PERP: variants seen among roughly 807,000 people sequenced by gnomAD.
The protein encoded by PERP is p53 apoptosis effector related to PMP-22.
PERP carries 11 observed loss-of-function variants against 20.3 expected under a neutral mutation model. The ratio of observed to expected loss-of-function variants is 0.54; its 90% CI spans 0.34 to 0.90. The LOEUF (loss-of-function observed/expected upper bound fraction) is 0.90, where lower values mean the gene tolerates loss of function less well. PERP is among the 40% of genes least tolerant of loss of function. The probability of loss-of-function intolerance (pLI) is 0.02; values close to 1 mark genes in which losing one functional copy is unlikely to be tolerated. For synonymous variants in PERP, 101 were observed against 102.0 expected (o/e 0.99, Z 0.06); for missense variants, 224 against 249.4 (o/e 0.90, Z 0.69).
intron 1 of PERP, among the ~76,000 whole-genome samples, chr6:138,103,850 T>C (rs902101705): frequency 1.3e-5 from 2 of 152,250 alleles, no homozygotes; most frequent in African/African-American, 4.8e-5. Context: ...AACTATTTCA[T>C]GTAATACTGA....
Position 138,088,797 on chromosome 6 carries a change from G to C in PERP, c.*3245C>G, listed in dbSNP as rs772703256. ...CAAAAAGCAAAGGGCTCTGACCATC[G>C]ACTGATGGGGTTGCAAGCCCAGCCT... is the stretch of plus-strand genomic sequence containing the variant. On this transcript the variant is annotated 3_prime_UTR_variant, in exon 3 of 3. Transcript: ENST00000421351. 55 of 152,134 alleles carry C rather than the reference G, an allele frequency of 3.6e-4. No individual in the cohort carries two copies. Among genetic ancestry groups the C allele is most frequent in the African/African-American group, 1.3e-3 (54 of 41,414 alleles). 9.4% of individuals were successfully genotyped at this position (152,134 alleles called of 1,614,324 possible). A position where few individuals can be genotyped will look rare whatever the true frequency, so the allele number is the denominator to read the frequency against.
chr6:138,101,326 C>A (rs35524498), intron 1 of PERP, among the ~76,000 whole-genome samples: 5 of 151,910 alleles, frequency 3.3e-5, no homozygotes, highest in African/African-American at 1.2e-4. Flanking sequence ...GCCAAGATTG[C>A]GCCACTGCAC....
intron 1 of PERP, among the ~76,000 whole-genome samples, chr6:138,104,171 C>G (rs1364481164): frequency 9.2e-5 from 14 of 152,172 alleles, no homozygotes; most frequent in African/African-American, 3.4e-4. Flanking sequence ...ATGGTGCCAG[C>G]GGTGCAAAAC....
At position 138,089,202 on chromosome 6, in the gene PERP, A is replaced by ACT. The variant is rs1562321812; in HGVS notation, c.*2839_*2840insAG. On this transcript the variant is annotated 3_prime_UTR_variant, in exon 3 of 3. Coordinates refer to ENST00000421351, the MANE Select transcript of PERP (RefSeq NM_022121.5). Reference sequence around the variant, plus strand: ...ATGAGACTCAAATATGCCCTTTCAGATGTGCTTATAAAAACAAGTCAGTGT... The same window carrying ACT: ...ATGAGACTCAAATATGCCCTTTCAGACTTGTGCTTATAAAAACAAGTCAGTGT... 1 of 152,112 alleles carries ACT rather than the reference A, an allele frequency of 6.6e-6. No individual in the cohort carries two copies. Among genetic ancestry groups the ACT allele is most frequent in the East Asian group, 1.9e-4 (1 of 5,194 alleles). 9.4% of individuals were successfully genotyped at this position (152,112 alleles called of 1,614,324 possible).
At chr6:138,092,302 G>T in intron 2 of PERP, 34 bp from the exon 3 acceptor site, 1 of 1,513,174 alleles carries the variant, frequency 6.6e-7, no homozygotes, top group Non-Finnish European at 9.2e-7. Flanking sequence ...GGGTATGAAT[G>T]CATACATGCA....
intron 1 of PERP, among the ~76,000 whole-genome samples, chr6:138,104,701 T>G (rs1271964098): frequency 6.6e-6 from 1 of 152,244 alleles, no homozygotes; most frequent in Non-Finnish European, 1.5e-5. Flanking sequence ...TCAAAGTGGA[T>G]GTACACACTC....
Position 138,107,005 on chromosome 6 carries a change from G to C in PERP, c.214+122C>G. On this transcript the variant is annotated intron_variant, in intron 1 of 2. Transcript: ENST00000421351. The surrounding 1 kb of genome is among the most constrained non-coding windows in gnomAD (Gnocchi z 4.8). ...CATGAGCCCGAGCTCGTCCTAAACAGGCATTCTGAAAAGCACTGGCTCCCC... is the reference window on the plus strand; with the variant it reads ...CATGAGCCCGAGCTCGTCCTAAACACGCATTCTGAAAAGCACTGGCTCCCC... 1.0e-6 allele frequency: 1 copy of C among 968,370 alleles called. No individual in the cohort carries two copies. Among genetic ancestry groups the C allele is most frequent in the Non-Finnish European group, 1.5e-6 (1 of 677,946 alleles). The allele number at this position is 968,370 out of a possible 1,614,324, so 60.0% of individuals were successfully genotyped here. A position where few individuals can be genotyped will look rare whatever the true frequency, so the allele number is the denominator to read the frequency against.
rs1281664269 is a variant in PERP at position 138,107,281 on chromosome 6, G to C, written c.60C>G (p.Leu20=). ...RCRWILPLLL[L]SAIAFDIIAL... is the part of the protein sequence containing the mutation. ...CGATGATGTCGAAGGCGATGGCGCTGAGTAGGAGCAGGGGCAGGATCCAGC... is the reference window on the plus strand; with the variant it reads ...CGATGATGTCGAAGGCGATGGCGCTCAGTAGGAGCAGGGGCAGGATCCAGC... The change falls in exon 1 of 3, where the codon CTC becomes CTG. Residue 20 remains leucine (L), a synonymous_variant. Coordinates refer to ENST00000421351, the MANE Select transcript of PERP (RefSeq NM_022121.5). The surrounding 1 kb of genome is among the most constrained non-coding windows in gnomAD (Gnocchi z 4.8). 1.2e-5 allele frequency: 20 copies of C among 1,610,820 alleles called. No homozygotes were observed. The highest frequency in any genetic ancestry group is 1.6e-5 in the Non-Finnish European group (19 of 1,179,548).
chr6:138,096,418 G>A lies in PERP; in HGVS notation c.291C>T (p.Phe97=), dbSNP rs369663178. ...CAAGCATCTGGGGTCCACAGAGGGC[G>A]AAGAAGGAGAGGATGAAACAGATCA... ...ILVICFILSF[F]ALCGPQMLVF... Residue 97 remains phenylalanine (F), a synonymous_variant, in exon 2 of 3, where the codon TTC becomes TTT. Transcript: ENST00000421351. 19 of 1,613,930 alleles carry A rather than the reference G, an allele frequency of 1.2e-5. No homozygotes were observed. The highest frequency in any genetic ancestry group is 6.7e-5 in the Admixed American group (4 of 59,982).
intron 1 of PERP, among the ~76,000 whole-genome samples, chr6:138,102,159 C>T (rs907635249): frequency 2.0e-5 from 3 of 152,332 alleles, no homozygotes; most frequent in African/African-American, 7.2e-5. Flanking sequence ...TCTTTACATG[C>T]TCTGCATGGT....
chr6:138,093,545 T>A (rs532423), intron 2 of PERP, among the ~76,000 whole-genome samples: 96,407 of 152,004 alleles, frequency 0.63, 31,468 homozygotes, highest in East Asian at 0.94. Context: ...TAAATAGCAA[T>A]CTCTTACTAT....
At chr6:138,097,189 A>T (rs771850067) in intron 1 of PERP, among the ~76,000 whole-genome samples, 50 of 152,184 alleles carry the variant, frequency 3.3e-4, no homozygotes, top group Middle Eastern at 3.2e-3. Flanking sequence ...CCTTTGCCCT[A>T]AAAAAGAATC....
chr6:138,099,174 AGTG>A (rs1465043876), intron 1 of PERP, among the ~76,000 whole-genome samples: 1 of 152,214 alleles, frequency 6.6e-6, no homozygotes, highest in Non-Finnish European at 1.5e-5. Flanking sequence ...TCAGAGCTTG[AGTG>A]GTAGCACCCA....
At chr6:138,096,874 CT>C (rs1401731629) in intron 1 of PERP, among the ~76,000 whole-genome samples, 1 of 152,152 alleles carries the variant, frequency 6.6e-6, no homozygotes, top group African/African-American at 2.4e-5. Flanking sequence ...ATTTTTGGTA[CT>C]GAGCAATCCA....
At chr6:138,103,117 T>C (rs1330380238) in intron 1 of PERP, among the ~76,000 whole-genome samples, 6 of 151,002 alleles carry the variant, frequency 4.0e-5, no homozygotes, top group Admixed American at 4.0e-4. Context: ...AAGAGTAATC[T>C]GTCTGCTAAT....
At chr6:138,102,983 G>A (rs1032852814) in intron 1 of PERP, among the ~76,000 whole-genome samples, 3 of 151,438 alleles carry the variant, frequency 2.0e-5, no homozygotes, top group South Asian at 4.2e-4. Flanking sequence ...CCTGTAGTCC[G>A]AGCTACTCGG....
intron 1 of PERP, among the ~76,000 whole-genome samples, chr6:138,104,005 C>T (rs1296369113): frequency 6.6e-6 from 1 of 152,182 alleles, no homozygotes; most frequent in African/African-American, 2.4e-5. Context: ...GGCAAATGCT[C>T]GTCAATCCTC....
In PERP at chr6:138,107,319, A is replaced by G. The variant is rs757878130; in HGVS notation, c.22T>C (p.Cys8Arg). ...GGCAGGATCCAGCGGCAGCGCTCGC[A>G]GGCCAGGCCGCAGCGGATCATGTTG... MIRCGLA[C>R]ERCRWILPLL... is the part of the protein sequence containing the mutation. The change falls in exon 1 of 3, where the codon TGC (cysteine) becomes CGC (arginine). Residue 8 changes from cysteine (C) to arginine (R), a missense_variant. Transcript: ENST00000421351. This position sits in a 1 kb window ranked among gnomAD's most constrained non-coding sequence, Gnocchi z 4.8. 5 of 1,601,468 alleles carry G rather than the reference A, an allele frequency of 3.1e-6. No homozygotes were observed. In the South Asian group the frequency reaches 5.5e-5, roughly 18 times the overall value.
chr6:138,092,182 TGTAA>T lies in PERP; in HGVS notation c.438_441del (p.Tyr147SerfsTer16). Reference sequence around the variant, plus strand: ...CCAAAGCCGTAGGCCCAGTTATAGATGTAAGTGACAGCAGGGTTGGCATGAAGGG... The same window carrying T: ...CCAAAGCCGTAGGCCCAGTTATAGATGTGACAGCAGGGTTGGCATGAAGGG... On this transcript the variant is annotated frameshift_variant, in exon 3 of 3. Coordinates refer to ENST00000421351, the MANE Select transcript of PERP (RefSeq NM_022121.5). LOFTEE classifies it high-confidence loss of function. 6.2e-7 allele frequency: 1 copy of T among 1,614,056 alleles called. No individual in the cohort carries two copies. Among genetic ancestry groups the T allele is most frequent in the Non-Finnish European group, 8.5e-7 (1 of 1,179,988 alleles).
Sources: allele counts gnomAD v4.1 joint callset (sites outside exome capture counted in the v4.1 genomes callset), GRCh38; gene constraint gnomAD v4.1.1; non-coding constraint Gnocchi (gnomAD v3.1); transcripts MANE v1.5; gene names NCBI Gene and HGNC (gene_info 2026-07-23, HGNC 2026-07-21).